The following FAF1 variants were observed in gnomAD, a reference collection of about 807,000 sequenced individuals.
FAF1 encodes the protein Fas associated factor 1.
A neutral mutation model predicts 92.5 loss-of-function variants in FAF1; 25 were observed. The ratio of observed to expected loss-of-function variants is 0.27; its 90% CI spans 0.20 to 0.38. The LOEUF (loss-of-function observed/expected upper bound fraction) is 0.38, where lower values mean the gene tolerates loss of function less well. Among genes scored for constraint, FAF1 ranks in the 10% least tolerant of loss-of-function variants. The pLI, the probability that FAF1 is intolerant of heterozygous loss-of-function variation, is 1.00. For synonymous variants in FAF1, 234 were observed against 273.2 expected, an observed-to-expected ratio of 0.86 and a Z score of 1.42; for missense variants, 636 against 793.3, an observed-to-expected ratio of 0.80 and a Z score of 2.38.
intron 5 of FAF1, among the ~76,000 whole-genome samples, chr1:50,740,321 G>A (rs1433749050): frequency 1.3e-5 from 2 of 152,052 alleles, no homozygotes; most frequent in African/African-American, 4.8e-5. Flanking sequence ...AAACTTAAAA[G>A]GTGAAGGAAG....
intron 7 of FAF1, among the ~76,000 whole-genome samples, chr1:50,696,959 T>C (rs1480712602): frequency 1.3e-5 from 2 of 152,242 alleles, no homozygotes; most frequent in African/African-American, 2.4e-5. Flanking sequence ...ATTACCACAA[T>C]TCATTAGCAA....
At chr1:50,632,647 T>C (rs993917870) in intron 8 of FAF1, among the ~76,000 whole-genome samples, 2 of 152,200 alleles carry the variant, frequency 1.3e-5, no homozygotes, top group African/African-American at 4.8e-5. Context: ...TTTGGGGTAG[T>C]GTCTCCGATT....
At chr1:50,527,836 T>TCTAC (rs1553223459) in intron 15 of FAF1, among the ~76,000 whole-genome samples, 2 of 87,416 alleles carry the variant, frequency 2.3e-5, no homozygotes, top group Admixed American at 1.1e-4. Flanking sequence ...TCTCTCTCTC[T>TCTAC]CTCTCTCCCT....
intron 8 of FAF1, among the ~76,000 whole-genome samples, chr1:50,613,061 C>T (rs1457084875): frequency 1.3e-5 from 2 of 152,142 alleles, no homozygotes; most frequent in East Asian, 1.9e-4. Context: ...ATGTCTAATG[C>T]TCTAACTTAT....
At chr1:50,609,103 G>A (rs1410199217) in intron 8 of FAF1, among the ~76,000 whole-genome samples, 1 of 152,180 alleles carries the variant, frequency 6.6e-6, no homozygotes, top group African/African-American at 2.4e-5. Context: ...ACCACAATGT[G>A]TCAAGACCTC....
chr1:50,712,171 A>C (rs1272643036), intron 6 of FAF1, among the ~76,000 whole-genome samples: 1 of 152,198 alleles, frequency 6.6e-6, no homozygotes, highest in Non-Finnish European at 1.5e-5. Flanking sequence ...ATGGGCAAAG[A>C]AGCAAACTTG....
At chr1:50,591,905 G>A (rs900605726) in intron 9 of FAF1, among the ~76,000 whole-genome samples, 1 of 152,022 alleles carries the variant, frequency 6.6e-6, no homozygotes, top group African/African-American at 2.4e-5. Flanking sequence ...TTATTTGGCT[G>A]TGACTCATTC....
chr1:50,574,809 T>A (rs1343573677), intron 12 of FAF1, among the ~76,000 whole-genome samples: 1 of 150,108 alleles, frequency 6.7e-6, no homozygotes, highest in Non-Finnish European at 1.5e-5. Flanking sequence ...TTTAATACCA[T>A]CAAATATTGT....
chr1:50,625,820 C>T (rs183501234), intron 8 of FAF1, among the ~76,000 whole-genome samples: 3 of 151,982 alleles, frequency 2.0e-5, no homozygotes, highest in East Asian at 1.9e-4. Context: ...CGGGAAACCA[C>T]TGAGAGATTT....
intron 18 of FAF1, among the ~76,000 whole-genome samples, chr1:50,451,391 A>C (rs1183606983): frequency 6.6e-6 from 1 of 152,242 alleles, no homozygotes; most frequent in Non-Finnish European, 1.5e-5. Context: ...ATACAACTCT[A>C]TGAGGGAGGT....
chr1:50,654,357 C>T (rs1461306958), intron 8 of FAF1, among the ~76,000 whole-genome samples: 1 of 152,074 alleles, frequency 6.6e-6, no homozygotes, highest in East Asian at 1.9e-4. Flanking sequence ...GAAACATTCT[C>T]ATTTTTACTT....
chr1:50,611,606 T>C (rs1652688148), intron 8 of FAF1, among the ~76,000 whole-genome samples: 1 of 152,208 alleles, frequency 6.6e-6, no homozygotes, highest in African/African-American at 2.4e-5. Context: ...CATGAGATGA[T>C]GATGGTTAAG....
chr1:50,539,500 T>G, intron 14 of FAF1, 92 bp downstream of exon 14: 1 of 829,580 alleles, frequency 1.2e-6, no homozygotes. Context: ...GCAAAGATAT[T>G]TACTAATAGA....
chr1:50,753,705 T>C (rs998641229), intron 4 of FAF1, among the ~76,000 whole-genome samples: 19 of 152,262 alleles, frequency 1.2e-4, no homozygotes, highest in African/African-American at 4.1e-4. Context: ...CTCTCTCTTT[T>C]TGAACACAGG....
chr1:50,524,877 T>C lies in FAF1; in HGVS notation c.1494+10492A>G, dbSNP rs183151819. Among the ~76,000 whole-genome samples the C allele has an allele frequency of 2.0e-5, 3 of 152,238 alleles. No individual in the cohort carries two copies. In the East Asian group the frequency reaches 5.8e-4, roughly 29 times the overall value. ...TACTTTGGCTATTCAGGCTCTTTTT[T>C]TTGGTCCCATATGAATTTTTTTTTT... On this transcript the variant is annotated intron_variant, in intron 15 of 18. Coordinates refer to ENST00000396153, the MANE Select transcript of FAF1 (RefSeq NM_007051.3).
chr1:50,844,039 T>A (rs565326806), intron 2 of FAF1, among the ~76,000 whole-genome samples: 1 of 152,168 alleles, frequency 6.6e-6, no homozygotes, highest in Non-Finnish European at 1.5e-5. Context: ...CACCAGCATT[T>A]GTCATTTTCT....
At chr1:50,852,708 T>C (rs372273512) in intron 2 of FAF1, among the ~76,000 whole-genome samples, 36 of 152,296 alleles carry the variant, frequency 2.4e-4, no homozygotes, top group African/African-American at 7.2e-4. Context: ...TTGGACAGTT[T>C]ACTTAACTTC....
intron 4 of FAF1, among the ~76,000 whole-genome samples, chr1:50,760,278 C>T (rs951218765): frequency 4.6e-5 from 7 of 152,212 alleles, no homozygotes; most frequent in Admixed American, 1.3e-4. Flanking sequence ...GACAGATCAA[C>T]GAGACAGAAA....
chr1:50,638,439 CTTTTTCTTTTTT>C (rs1465574504), intron 8 of FAF1, among the ~76,000 whole-genome samples: 2 of 143,248 alleles, frequency 1.4e-5, no homozygotes, highest in Admixed American at 6.9e-5. Flanking sequence ...TTTTCTTTTT[CTTTTTCTTTTTT>C]TTTTTTTTTT....
Sources: allele counts gnomAD v4.1 joint callset (sites outside exome capture counted in the v4.1 genomes callset), GRCh38; gene constraint gnomAD v4.1.1; transcripts MANE v1.5; gene names NCBI Gene and HGNC (gene_info 2026-07-23, HGNC 2026-07-21).